The following LCLAT1 variants were observed in gnomAD, a reference collection of about 807,000 sequenced individuals.
The protein encoded by LCLAT1 is lysocardiolipin acyltransferase 1, also known as 1-AGP acyltransferase 8.
LCLAT1 carries 11 observed loss-of-function variants against 30.7 expected under a neutral mutation model. That is an observed-to-expected ratio of 0.36 (90% CI 0.23 to 0.59). The LOEUF is 0.59. LCLAT1 is among the 20% of genes least tolerant of loss of function. The pLI is 0.77. For missense variants in LCLAT1, 402 were observed against 458.6 expected (o/e 0.88, Z 1.13); for synonymous variants, 155 against 151.3 (o/e 1.02, Z -0.18).
intron 5 of LCLAT1, among the ~76,000 whole-genome samples, chr2:30,595,646 T>C (rs952617243): frequency 6.6e-6 from 1 of 152,172 alleles, no homozygotes; most frequent in Non-Finnish European, 1.5e-5. Context: ...AAGGTAATTT[T>C]ATTTTAAGTT....
intron 2 of LCLAT1, among the ~76,000 whole-genome samples, chr2:30,527,738 A>T (rs1685783943): frequency 6.6e-6 from 1 of 152,190 alleles, no homozygotes; most frequent in African/African-American, 2.4e-5. Context: ...GTAATGACTA[A>T]ATGAGGTAAT....
At chr2:30,568,934 G>C (rs909231939) in intron 5 of LCLAT1, among the ~76,000 whole-genome samples, 1 of 149,248 alleles carries the variant, frequency 6.7e-6, no homozygotes, top group South Asian at 2.1e-4. Flanking sequence ...GGCTCTTAGG[G>C]TTTGAGAATA....
In LCLAT1 at chr2:30,562,274, G is replaced by A; in HGVS notation, c.493G>A (p.Glu165Lys). ...ACCACTTCAACTCCTCATATTCCCA[G>A]AAGGGACTGATCTCACAGGTAATGT... ...HEPLQLLIFP[E>K]GTDLTENSKS... The change falls in exon 4 of 6, where the codon GAA becomes AAA. Residue 165 changes from glutamate (E) to lysine (K), a missense_variant. Glu to Lys is a moderately conservative substitution (Grantham distance 56). Coordinates refer to ENST00000379509, the MANE Select transcript of LCLAT1 (RefSeq NM_001002257.3). 6.2e-7 allele frequency: 1 copy of A among 1,610,840 alleles called. No homozygotes were observed. Among genetic ancestry groups the A allele is most frequent in the Non-Finnish European group, 8.5e-7 (1 of 1,177,806 alleles).
chr2:30,571,653 A>G (rs1439840906), intron 5 of LCLAT1, among the ~76,000 whole-genome samples: 3 of 152,206 alleles, frequency 2.0e-5, no homozygotes, highest in East Asian at 3.8e-4. Flanking sequence ...AACAGCCAGC[A>G]TGTTTTAGGA....
intron 3 of LCLAT1, among the ~76,000 whole-genome samples, chr2:30,534,234 TGTGTGTGTG>T (rs1380225112): frequency 2.0e-5 from 2 of 100,624 alleles, no homozygotes; most frequent in Non-Finnish European, 4.4e-5. Flanking sequence ...TGTGTGTGTG[TGTGTGTGTG>T]TGTGTGTGTG....
chr2:30,529,333 T>C (rs982252832), intron 2 of LCLAT1, among the ~76,000 whole-genome samples: 2 of 152,224 alleles, frequency 1.3e-5, no homozygotes, highest in South Asian at 2.1e-4. Context: ...TTTAGAATCT[T>C]AGATGAGACT....
rs566985427 is a variant in LCLAT1, at chr2:30,628,376, A to G, written c.629-11741A>G. On this transcript the variant is annotated intron_variant, in intron 5 of 5. Transcript: ENST00000379509. ...GTTATGTAAATATAATGCAAATGCA[A>G]TTGCAGGACAGGTTTTTTGGGAGGG... Among the ~76,000 whole-genome samples, 3 of 152,364 alleles carry G rather than the reference A, an allele frequency of 2.0e-5. No homozygotes were observed. The South Asian group carries it at 6.2e-4, about 32-fold the overall frequency.
intron 1 of LCLAT1, among the ~76,000 whole-genome samples, chr2:30,512,002 TGTCTTTGCAGGTCA>T (rs1295035046): frequency 2.0e-5 from 3 of 152,256 alleles, no homozygotes; most frequent in African/African-American, 7.2e-5. Flanking sequence ...GCTTACACTT[TGTCTTTGCAGGTCA>T]GCCAGGATAG....
intron 1 of LCLAT1, among the ~76,000 whole-genome samples, chr2:30,498,649 A>G (rs1246083327): frequency 2.6e-5 from 4 of 152,068 alleles, no homozygotes; most frequent in Non-Finnish European, 5.9e-5. Context: ...TTCTTACTTT[A>G]TCCTCTCTCA....
Position 30,546,474 on chromosome 2 carries a change from T to C in LCLAT1, c.364+13160T>C, listed in dbSNP as rs117207324. On this transcript the variant is annotated intron_variant, in intron 3 of 5. Transcript: ENST00000379509. Reference sequence around the variant, plus strand: ...ATAGGAACATGATTATAATGCATGCTGCTGTTAACATGAAAGTGGTTCAAT... The same window carrying C: ...ATAGGAACATGATTATAATGCATGCCGCTGTTAACATGAAAGTGGTTCAAT... Among the ~76,000 whole-genome samples the C allele has an allele frequency of 1.9e-3, 297 of 152,326 alleles. 2 individuals carry two copies. In the East Asian group the frequency reaches 0.029, roughly 15 times the overall value.
rs190027863 is a variant in LCLAT1, at chr2:30,457,675, A to G, written c.-5+10292A>G. Among the ~76,000 whole-genome samples, 1,087 of 152,240 alleles carry G rather than the reference A, an allele frequency of 7.1e-3. 51 individuals are homozygous for G. Among genetic ancestry groups the G allele is most frequent in the Admixed American group, 0.065 (1,000 of 15,290 alleles). On this transcript the variant is annotated intron_variant, in intron 1 of 5. Transcript: ENST00000379509. ...ATTGGAACATCTTATTTGTTCCCTA[A>G]TTAGAGTTATAGATAGAGGTGTTGA...
intron 5 of LCLAT1, among the ~76,000 whole-genome samples, chr2:30,626,012 G>A (rs995462447): frequency 1.3e-5 from 2 of 152,208 alleles, no homozygotes; most frequent in African/African-American, 4.8e-5. Context: ...GATGACTACA[G>A]CTGTGACTGG....
chr2:30,477,942 C>T (rs187053762), intron 1 of LCLAT1, among the ~76,000 whole-genome samples: 1 of 151,926 alleles, frequency 6.6e-6, no homozygotes, highest in South Asian at 2.1e-4. Flanking sequence ...CTCTCTCCCC[C>T]CTGAAAGTTT....
chr2:30,470,581 G>A (rs1682727703), intron 1 of LCLAT1, among the ~76,000 whole-genome samples: 2 of 152,214 alleles, frequency 1.3e-5, no homozygotes, highest in Admixed American at 1.3e-4. Flanking sequence ...GAGGTTAGAA[G>A]CAAGATGGAG....
intron 5 of LCLAT1, among the ~76,000 whole-genome samples, chr2:30,636,696 C>G (rs374619953): frequency 3.5e-4 from 54 of 152,268 alleles, no homozygotes; most frequent in Non-Finnish European, 5.4e-4. Flanking sequence ...TACACACACA[C>G]CTTTACTATA....
At chr2:30,567,668 CTGT>C (rs1310171905) in intron 4 of LCLAT1, among the ~76,000 whole-genome samples, 1 of 152,180 alleles carries the variant, frequency 6.6e-6, no homozygotes, top group Non-Finnish European at 1.5e-5. Flanking sequence ...CACACAGACC[CTGT>C]GCCATTCAAA....
At chr2:30,543,892 A>G (rs1664269457) in intron 3 of LCLAT1, among the ~76,000 whole-genome samples, 1 of 151,098 alleles carries the variant, frequency 6.6e-6, no homozygotes, top group Non-Finnish European at 1.5e-5. Context: ...AGTTTTACTG[A>G]TTTCTATTCT....
chr2:30,477,720 C>T (rs190463344), intron 1 of LCLAT1, among the ~76,000 whole-genome samples: 55 of 152,240 alleles, frequency 3.6e-4, no homozygotes, highest in African/African-American at 1.1e-3. Context: ...AAATTGGAGG[C>T]TTTCCTAGTG....
intron 1 of LCLAT1, among the ~76,000 whole-genome samples, chr2:30,484,924 CTATGGTATGG>C (rs767347664): frequency 6.6e-6 from 1 of 151,888 alleles, no homozygotes; most frequent in African/African-American, 2.4e-5. Flanking sequence ...TTATGGTATG[CTATGGTATGG>C]TATGGTATGG....
Sources: allele counts gnomAD v4.1 joint callset (sites outside exome capture counted in the v4.1 genomes callset), GRCh38; gene constraint gnomAD v4.1.1; transcripts MANE v1.5; gene names NCBI Gene and HGNC (gene_info 2026-07-23, HGNC 2026-07-21).